The following SOS1 variants were observed in gnomAD, a reference collection of about 807,000 sequenced individuals.
The protein encoded by SOS1 is son of sevenless homolog 1.
SOS1 carries 25 observed loss-of-function variants against 157.6 expected under a neutral mutation model. The observed-to-expected ratio is 0.16, with a 90% CI of 0.12 to 0.22. SOS1 has a LOEUF of 0.22. Ranked by LOEUF, SOS1 falls within the 10% of genes least tolerant of loss-of-function variation. The probability of loss-of-function intolerance (pLI) is 1.00; values close to 1 mark genes in which losing one functional copy is unlikely to be tolerated. For missense variants in SOS1, 1,237 were observed against 1,599.1 expected (o/e 0.77, Z 3.86); for synonymous variants, 528 against 534.0 (o/e 0.99, Z 0.16).
intron 1 of SOS1, among the ~76,000 whole-genome samples, chr2:39,086,844 A>G (rs374531130): frequency 8.4e-4 from 128 of 152,012 alleles, no homozygotes; most frequent in African/African-American, 3.1e-3. Context: ...ACGGAGTCTC[A>G]TTCTGTCACC....
intron 1 of SOS1, among the ~76,000 whole-genome samples, chr2:39,068,688 CTTTAA>C (rs1292868515): frequency 6.6e-6 from 1 of 150,546 alleles, no homozygotes; most frequent in African/African-American, 2.5e-5. Flanking sequence ...TCAACCATTT[CTTTAA>C]TTTTTTTTTT....
Position 39,071,306 on chromosome 2 carries a change from C to T in SOS1, c.88-3553G>A, listed in dbSNP as rs79907888. Reference sequence around the variant, plus strand: ...TGACTGTTGAACCTGGAGGAATCTGCGGAGTACCCTAGTGTACGGAGTGGA... The same window carrying T: ...TGACTGTTGAACCTGGAGGAATCTGTGGAGTACCCTAGTGTACGGAGTGGA... On this transcript the variant is annotated intron_variant, in intron 1 of 22. Coordinates refer to ENST00000402219, the MANE Select transcript of SOS1 (RefSeq NM_005633.4). 7.2e-3 allele frequency among the ~76,000 whole-genome samples: 1,091 copies of T among 152,272 alleles called. 11 individuals are homozygous for T. The highest frequency in any genetic ancestry group is 0.025 in the African/African-American group (1,048 of 41,548).
intron 5 of SOS1, among the ~76,000 whole-genome samples, chr2:39,053,903 A>G (rs1302620332): frequency 6.6e-6 from 1 of 151,750 alleles, no homozygotes; most frequent in Non-Finnish European, 1.5e-5. Flanking sequence ...TGTCTTGACT[A>G]GACTAAACTT....
In SOS1 at chr2:38,984,116, G is replaced by C. The variant is rs1668480453; in HGVS notation, c.*1708C>G. 1 of 152,166 alleles carries C rather than the reference G, an allele frequency of 6.6e-6. No individual in the cohort carries two copies. Among genetic ancestry groups the C allele is most frequent in the Non-Finnish European group, 1.5e-5 (1 of 68,026 alleles). 9.4% of individuals were successfully genotyped at this position (152,166 alleles called of 1,614,324 possible). A position where few individuals can be genotyped will look rare whatever the true frequency, so the allele number is the denominator to read the frequency against. On this transcript the variant is annotated 3_prime_UTR_variant, in exon 23 of 23. Coordinates refer to ENST00000402219, the MANE Select transcript of SOS1 (RefSeq NM_005633.4). ...TATTAAAGTACTAGGTTCCCACCAT[G>C]TTGCAGCACTTCTAAAAATGTCTCT... is the stretch of plus-strand genomic sequence containing the variant.
chr2:39,071,691 G>T (rs1271311174), intron 1 of SOS1, among the ~76,000 whole-genome samples: 1 of 152,154 alleles, frequency 6.6e-6, no homozygotes, highest in Non-Finnish European at 1.5e-5. Flanking sequence ...AAGAAAGTAT[G>T]ATTAAGTTTT....
intron 6 of SOS1, among the ~76,000 whole-genome samples, chr2:39,035,958 T>C (rs1670327910): frequency 1.3e-5 from 2 of 152,180 alleles, no homozygotes; most frequent in Admixed American, 1.3e-4. Flanking sequence ...ACAGTTCATG[T>C]CATCTAAAAT....
intron 15 of SOS1, among the ~76,000 whole-genome samples, chr2:39,009,826 T>C (rs1227225038): frequency 6.6e-6 from 1 of 152,196 alleles, no homozygotes; most frequent in Non-Finnish European, 1.5e-5. Context: ...TGAAGCTGAT[T>C]CTGATAAGAT....
intron 1 of SOS1, among the ~76,000 whole-genome samples, chr2:39,110,445 T>C (rs1294828606): frequency 2.0e-5 from 3 of 152,066 alleles, no homozygotes; most frequent in Non-Finnish European, 4.4e-5. Context: ...CATGTAATTT[T>C]CATAAAAATA....
chr2:39,118,868 C>T (rs1199472878), intron 1 of SOS1, among the ~76,000 whole-genome samples: 1 of 152,204 alleles, frequency 6.6e-6, no homozygotes, highest in Admixed American at 6.5e-5. Flanking sequence ...AATTAAACAA[C>T]GTCTGTCAAC....
At chr2:39,124,473 G>A (rs1163782109), upstream of SOS1, 1 of 152,296 alleles carries the variant, frequency 6.6e-6, no homozygotes, top group Non-Finnish European at 1.5e-5. Flanking sequence ...TCCGAGCGCG[G>A]CGCATCGGAG....
intron 1 of SOS1, among the ~76,000 whole-genome samples, chr2:39,097,602 G>A (rs1216228818): frequency 1.3e-5 from 2 of 151,278 alleles, no homozygotes; most frequent in Non-Finnish European, 2.9e-5. Flanking sequence ...CTGTCACCCA[G>A]GCTGGAGTAC....
At chr2:39,088,561 G>C (rs544501965) in intron 1 of SOS1, among the ~76,000 whole-genome samples, 22 of 152,244 alleles carry the variant, frequency 1.4e-4, no homozygotes, top group Non-Finnish European at 2.8e-4. Context: ...AGGTATCTCA[G>C]AAGTGAAATC....
intron 19 of SOS1, among the ~76,000 whole-genome samples, chr2:38,996,280 G>C (rs1668888235): frequency 6.6e-6 from 1 of 152,050 alleles, no homozygotes; most frequent in Non-Finnish European, 1.5e-5. Flanking sequence ...TTAGAGACAG[G>C]GTTTTCACCA....
intron 14 of SOS1, among the ~76,000 whole-genome samples, 198 bp downstream of exon 14, chr2:39,011,928 A>G (rs1223299358): frequency 6.6e-6 from 1 of 152,180 alleles, no homozygotes; most frequent in East Asian, 1.9e-4. Context: ...TGAACACAGA[A>G]AGACAGAAGG....
intron 1 of SOS1, among the ~76,000 whole-genome samples, chr2:39,091,590 G>GA (rs11413394): frequency 0.14 from 19,160 of 137,748 alleles, 3,780 homozygotes; most frequent in African/African-American, 0.44. Context: ...AAAAGAACTC[G>GA]AAAAAAAAAA....
At chr2:39,117,219 G>T (rs528998381) in intron 1 of SOS1, among the ~76,000 whole-genome samples, 1 of 152,036 alleles carries the variant, frequency 6.6e-6, no homozygotes, top group East Asian at 1.9e-4. Flanking sequence ...TAGTAGAGAT[G>T]GGGTTTCACC....
At chr2:39,100,938 G>GC (rs1467150722) in intron 1 of SOS1, among the ~76,000 whole-genome samples, 1 of 152,076 alleles carries the variant, frequency 6.6e-6, no homozygotes, top group Non-Finnish European at 1.5e-5. Context: ...ATAAAATACA[G>GC]CAAGGAGACA....
chr2:39,025,831 T>C (rs559502717), intron 8 of SOS1, among the ~76,000 whole-genome samples: 1 of 152,334 alleles, frequency 6.6e-6, no homozygotes, highest in East Asian at 1.9e-4. Context: ...TGATGACCTG[T>C]GAAAAGTAAA....
intron 8 of SOS1, among the ~76,000 whole-genome samples, chr2:39,026,283 G>T (rs1669958346): frequency 6.6e-6 from 1 of 151,600 alleles, no homozygotes; most frequent in African/African-American, 2.4e-5. Context: ...TGAACTCAGG[G>T]GTCAGAGGTT....
Sources: allele counts gnomAD v4.1 joint callset (sites outside exome capture counted in the v4.1 genomes callset), GRCh38; gene constraint gnomAD v4.1.1; transcripts MANE v1.5; gene names NCBI Gene and HGNC (gene_info 2026-07-23, HGNC 2026-07-21).